BLNK: variants seen among roughly 807,000 people sequenced by gnomAD.
The protein encoded by BLNK is B-cell linker protein.
BLNK carries 29 observed loss-of-function variants against 73.5 expected under a neutral mutation model. The ratio of observed to expected loss-of-function variants is 0.39; its 90% CI spans 0.29 to 0.54. BLNK has a LOEUF of 0.54. BLNK is among the 20% of genes least tolerant of loss of function. The pLI is 0.61. For synonymous variants in BLNK, 176 were observed against 200.8 expected (o/e 0.88, Z 1.04); for missense variants, 460 against 562.8 (o/e 0.82, Z 1.85).
At chr10:96,215,460 G>A in intron 7 of BLNK, 71 bp from the exon 8 acceptor site, 1 of 1,420,454 alleles carries the variant, frequency 7.0e-7, no homozygotes, top group Non-Finnish European at 9.6e-7. Context: ...ACATGCCATT[G>A]AGGAAAATTC....
chr10:96,222,734 T>C (rs587743553), intron 6 of BLNK, among the ~76,000 whole-genome samples: 60 of 152,176 alleles, frequency 3.9e-4, no homozygotes, highest in African/African-American at 1.4e-3. Flanking sequence ...AGACTAGCTA[T>C]CTCCATTGTA....
chr10:96,271,095 G>A (rs1554915600), intron 1 of BLNK, among the ~76,000 whole-genome samples: 1 of 152,168 alleles, frequency 6.6e-6, no homozygotes, highest in East Asian at 1.9e-4. Context: ...TCTTTCCAGA[G>A]CTTTACACTT....
rs2083334113 is a variant in BLNK, at chr10:96,191,805, A to G, written c.*168T>C. 3 of 847,154 alleles carry G rather than the reference A, an allele frequency of 3.5e-6. No homozygotes were observed. Among genetic ancestry groups the G allele is most frequent in the East Asian group, 2.6e-5 (1 of 39,172 alleles). 52.5% of individuals were successfully genotyped at this position (847,154 alleles called of 1,614,324 possible). On this transcript the variant is annotated 3_prime_UTR_variant, in exon 17 of 17. Coordinates refer to ENST00000224337, the MANE Select transcript of BLNK (RefSeq NM_013314.4). Reference sequence around the variant, plus strand: ...AGGTCAGGCAATAGAACAAGTCCACATGAGCTTCTTAAAAAGAAATGGATG... The same window carrying G: ...AGGTCAGGCAATAGAACAAGTCCACGTGAGCTTCTTAAAAAGAAATGGATG...
Position 96,190,072 on chromosome 10 carries a change from C to T in BLNK, c.*1901G>A. 2.4e-6 allele frequency: 2 copies of T among 842,110 alleles called. No homozygotes were observed. Among genetic ancestry groups the T allele is most frequent in the Non-Finnish European group, 4.1e-6 (2 of 490,822 alleles). The allele number at this position is 842,110 out of a possible 1,614,324, so 52.2% of individuals were successfully genotyped here. ...GTGCAGTTCATCCTTTGCACCAGCC[C>T]CTAAACTGACCGTTCTTAAGGATAA... On this transcript the variant is annotated 3_prime_UTR_variant, in exon 17 of 17. Transcript: ENST00000224337.
At chr10:96,218,042 C>A (rs782039206) in intron 6 of BLNK, among the ~76,000 whole-genome samples, 39 of 152,302 alleles carry the variant, frequency 2.6e-4, no homozygotes, top group Non-Finnish European at 8.8e-5. Flanking sequence ...ATTTACCTAG[C>A]ACTATTTGTT....
chr10:96,207,939 G>A (rs1464586306), intron 9 of BLNK, 40 bp from the exon 10 acceptor site: 33 of 1,603,074 alleles, frequency 2.1e-5, no homozygotes, highest in Admixed American at 1.5e-4. Flanking sequence ...AAAACACAAC[G>A]AAGACAAAAT....
At chr10:96,224,870 G>A (rs1007238454) in intron 5 of BLNK, among the ~76,000 whole-genome samples, 9 of 151,922 alleles carry the variant, frequency 5.9e-5, no homozygotes, top group African/African-American at 1.9e-4. Flanking sequence ...GCTAATTTTT[G>A]TATTTTTAGT....
At chr10:96,244,663 C>T (rs1412414688) in intron 2 of BLNK, among the ~76,000 whole-genome samples, 1 of 152,162 alleles carries the variant, frequency 6.6e-6, no homozygotes, top group Non-Finnish European at 1.5e-5. Context: ...AGCTAAAGGG[C>T]CCCTGACGTC....
rs781820077 is a variant in BLNK, at chr10:96,242,729, C to T, written c.163+6G>A. ...AGTCAGTTAAAGTATCTGAGAAATA[C>T]CTTACCTGAAGCGTAGTCCCTTCGA... On this transcript the variant is annotated splice_donor_region_variant and intron_variant, in intron 3 of 16. Coordinates refer to ENST00000224337, the MANE Select transcript of BLNK (RefSeq NM_013314.4). 5.0e-6 allele frequency: 8 copies of T among 1,613,182 alleles called. No individual in the cohort carries two copies. Among genetic ancestry groups the T allele is most frequent in the South Asian group, 2.2e-5 (2 of 91,056 alleles).
intron 6 of BLNK, among the ~76,000 whole-genome samples, chr10:96,221,016 A>C (rs1236277620): frequency 6.6e-6 from 1 of 152,238 alleles, no homozygotes; most frequent in African/African-American, 2.4e-5. Flanking sequence ...CATCCTCATT[A>C]CCACTCATAT....
intron 3 of BLNK, among the ~76,000 whole-genome samples, chr10:96,236,248 C>G (rs1334767726): frequency 6.6e-6 from 1 of 152,110 alleles, no homozygotes; most frequent in Non-Finnish European, 1.5e-5. Context: ...CCCTGCCCAT[C>G]TCTCCCCCAA....
In BLNK at chr10:96,207,904, G is replaced by A; in HGVS notation, c.747-5C>T. The A allele has an allele frequency of 5.0e-6, 8 of 1,613,838 alleles. No individual in the cohort carries two copies. Among genetic ancestry groups the A allele is most frequent in the Non-Finnish European group, 6.8e-6 (8 of 1,179,834 alleles). On this transcript the variant is annotated splice_region_variant and splice_polypyrimidine_tract_variant and intron_variant, in intron 9 of 16. Coordinates refer to ENST00000224337, the MANE Select transcript of BLNK (RefSeq NM_013314.4). Reference sequence around the variant, plus strand: ...AGTGGTGTCGTTGGTTTTTTCCTGGGGAATAAAAAGAGATGAGCTTTGTTA... The same window carrying A: ...AGTGGTGTCGTTGGTTTTTTCCTGGAGAATAAAAAGAGATGAGCTTTGTTA...
intron 15 of BLNK, among the ~76,000 whole-genome samples, chr10:96,199,705 G>T (rs1032690616): frequency 2.0e-5 from 3 of 152,134 alleles, no homozygotes; most frequent in Non-Finnish European, 4.4e-5. Flanking sequence ...CAGGCTGAGG[G>T]CAAAACGTGT....
At chr10:96,245,755 T>G (rs1216670563) in intron 2 of BLNK, among the ~76,000 whole-genome samples, 1 of 152,228 alleles carries the variant, frequency 6.6e-6, no homozygotes, top group South Asian at 2.1e-4. Context: ...CGAAAATGTA[T>G]GTGTATAGTA....
intron 1 of BLNK, among the ~76,000 whole-genome samples, chr10:96,262,290 A>G (rs1843792077): frequency 6.6e-6 from 1 of 152,180 alleles, no homozygotes; most frequent in African/African-American, 2.4e-5. Context: ...GCCATATCCC[A>G]AGTAGATGCC....
chr10:96,220,008 G>T (rs997739989), intron 6 of BLNK, among the ~76,000 whole-genome samples: 31 of 152,324 alleles, frequency 2.0e-4, no homozygotes, highest in Middle Eastern at 6.8e-3. Context: ...CACTGGCCAA[G>T]TAGAAAACCC....
chr10:96,250,991 A>G (rs1261959536), intron 1 of BLNK, among the ~76,000 whole-genome samples: 1 of 152,244 alleles, frequency 6.6e-6, no homozygotes, highest in Non-Finnish European at 1.5e-5. Context: ...TGGGAAACCC[A>G]TCACCTCACC....
chr10:96,194,018 A>G (rs2083395363), intron 16 of BLNK, among the ~76,000 whole-genome samples: 1 of 152,242 alleles, frequency 6.6e-6, no homozygotes. Flanking sequence ...TTTGGAATCC[A>G]TAGGCTGAAT....
At chr10:96,197,098 T>C in intron 15 of BLNK, 35 bp from the exon 16 acceptor site, 1 of 1,538,398 alleles carries the variant, frequency 6.5e-7, no homozygotes, top group Non-Finnish European at 8.9e-7. Context: ...TAATTATGGT[T>C]AGTATTACTT....
Sources: gnomAD v4.1 joint callset for allele counts (sites outside exome capture counted in the v4.1 genomes callset) on GRCh38, gnomAD v4.1.1 for gene constraint, MANE v1.5 for transcripts, NCBI Gene and HGNC (gene_info 2026-07-23, HGNC 2026-07-21) for gene names.